RSRC1: variants seen among roughly 807,000 people sequenced by gnomAD.
The protein encoded by RSRC1 is arginine and serine rich coiled-coil 1, also known as serine/Arginine-related protein 53.
RSRC1 carries 39 observed loss-of-function variants against 49.1 expected under a neutral mutation model. That is an observed-to-expected ratio of 0.79 (90% CI 0.61 to 1.04). The LOEUF (loss-of-function observed/expected upper bound fraction) is 1.04. RSRC1 is among the 50% of genes least tolerant of loss of function. RSRC1 has a pLI of 0.00. For missense variants in RSRC1, 388 were observed against 402.4 expected (o/e 0.96, Z 0.31); for synonymous variants, 143 against 130.8 (o/e 1.09, Z -0.63).
intron 3 of RSRC1, among the ~76,000 whole-genome samples, chr3:158,162,028 G>A (rs1023471709): frequency 1.3e-5 from 2 of 152,150 alleles, no homozygotes; most frequent in Non-Finnish European, 2.9e-5. Flanking sequence ...GTTTAGCTAC[G>A]TGGTAGGGAG....
chr3:158,508,726 G>T (rs900596652), intron 7 of RSRC1, among the ~76,000 whole-genome samples: 8 of 152,186 alleles, frequency 5.3e-5, no homozygotes, highest in Admixed American at 1.3e-4. Context: ...ATACACTACC[G>T]CTCATTAGTC....
At chr3:158,368,731 T>C (rs1259369135) in intron 6 of RSRC1, among the ~76,000 whole-genome samples, 1 of 152,234 alleles carries the variant, frequency 6.6e-6, no homozygotes. Flanking sequence ...TTTAAAATCA[T>C]TGTAACTTAT....
chr3:158,414,441 A>C (rs1734633135), intron 6 of RSRC1, among the ~76,000 whole-genome samples: 1 of 152,002 alleles, frequency 6.6e-6, no homozygotes, highest in Admixed American at 6.6e-5. Flanking sequence ...TAACTAATGC[A>C]TGTGAGGCTT....
chr3:158,249,826 A>G (rs1473881039), intron 4 of RSRC1, among the ~76,000 whole-genome samples: 2 of 152,172 alleles, frequency 1.3e-5, no homozygotes, highest in African/African-American at 4.8e-5. Context: ...GTTACAAACA[A>G]TTCAATTATA....
At position 158,501,357 on chromosome 3, in the gene RSRC1, G is replaced by A. The variant is rs200233968; in HGVS notation, c.653-35735G>A. ...CTGGGGTTGTTGGTTGAAATGTTCC[G>A]TATATATCTGCTAAGTCCATTTGTT... is the stretch of plus-strand genomic sequence containing the variant. On this transcript the variant is annotated intron_variant, in intron 7 of 9. Coordinates refer to ENST00000611884, the MANE Select transcript of RSRC1 (RefSeq NM_001271838.2). 7.9e-5 allele frequency among the ~76,000 whole-genome samples: 12 copies of A among 152,108 alleles called. No individual in the cohort carries two copies. The East Asian group carries it at 1.2e-3, about 15-fold the overall frequency.
intron 5 of RSRC1, among the ~76,000 whole-genome samples, chr3:158,330,140 C>G (rs769090150): frequency 6.6e-6 from 1 of 152,216 alleles, no homozygotes; most frequent in Non-Finnish European, 1.5e-5. Context: ...GTCACCCCTT[C>G]CCTTGGCTAG....
intron 1 of RSRC1, among the ~76,000 whole-genome samples, chr3:158,117,781 T>C (rs1279453008): frequency 1.3e-5 from 2 of 152,182 alleles, no homozygotes; most frequent in Non-Finnish European, 1.5e-5. Flanking sequence ...CTTATGCCAT[T>C]ATGCTGAGCT....
intron 6 of RSRC1, among the ~76,000 whole-genome samples, chr3:158,375,380 C>G (rs1228187893): frequency 1.4e-5 from 2 of 140,964 alleles, no homozygotes; most frequent in Non-Finnish European, 3.1e-5. Flanking sequence ...TTTTTTTTTT[C>G]TTAATGAGAT....
At chr3:158,195,398 G>T (rs1720532547) in intron 3 of RSRC1, among the ~76,000 whole-genome samples, 1 of 149,432 alleles carries the variant, frequency 6.7e-6, no homozygotes, top group Admixed American at 6.7e-5. Flanking sequence ...CTGGATATTA[G>T]CCCTTTGTCA....
chr3:158,457,730 GT>G (rs1553809960), intron 6 of RSRC1, among the ~76,000 whole-genome samples: 14 of 119,644 alleles, frequency 1.2e-4, no homozygotes, highest in East Asian at 6.7e-4. Context: ...TGTGTTTTGT[GT>G]TTTTTTTTGT....
In RSRC1 at chr3:158,244,564, A is replaced by G. The variant is rs562702806; in HGVS notation, c.494+41319A>G. Among the ~76,000 whole-genome samples, 3 of 152,256 alleles carry G rather than the reference A, an allele frequency of 2.0e-5. No homozygotes were observed. In the South Asian group the frequency reaches 6.2e-4, roughly 32 times the overall value. On this transcript the variant is annotated intron_variant, in intron 4 of 9. Coordinates refer to ENST00000611884, the MANE Select transcript of RSRC1 (RefSeq NM_001271838.2). ...ATTTTTGCATCAATGTTCATCAAGG[A>G]TATTGGCCTGAAGTTTTCTTTTTGT...
intron 3 of RSRC1, among the ~76,000 whole-genome samples, chr3:158,196,674 C>G (rs916496379): frequency 1.3e-5 from 2 of 152,118 alleles, no homozygotes; most frequent in African/African-American, 4.8e-5. Context: ...AGATATGTCT[C>G]ATCAATACCT....
At chr3:158,285,460 A>G (rs549058091) in intron 4 of RSRC1, among the ~76,000 whole-genome samples, 51 of 152,338 alleles carry the variant, frequency 3.3e-4, no homozygotes, top group African/African-American at 1.2e-3. Flanking sequence ...TAGGGATGGC[A>G]TTGAATCTAT....
At chr3:158,137,655 C>CTTTTTTTTTTTTTT (rs11388972) in intron 3 of RSRC1, among the ~76,000 whole-genome samples, 1 of 138,522 alleles carries the variant, frequency 7.2e-6, no homozygotes, top group Non-Finnish European at 1.5e-5. Flanking sequence ...TTTTCTTTTT[C>CTTTTTTTTTTTTTT]TTTTTTTTTT....
At chr3:158,401,727 T>C (rs1039094301) in intron 6 of RSRC1, among the ~76,000 whole-genome samples, 31 of 152,152 alleles carry the variant, frequency 2.0e-4, no homozygotes, top group East Asian at 5.8e-4. Context: ...GTTTTAAAAT[T>C]GTATATAATA....
At chr3:158,363,063 A>G (rs576141857) in intron 6 of RSRC1, among the ~76,000 whole-genome samples, 2 of 152,330 alleles carry the variant, frequency 1.3e-5, no homozygotes, top group Admixed American at 6.5e-5. Flanking sequence ...CATAGTATCT[A>G]CAACCTTTGG....
intron 4 of RSRC1, among the ~76,000 whole-genome samples, chr3:158,296,821 T>A (rs924506835): frequency 6.6e-6 from 1 of 151,860 alleles, no homozygotes; most frequent in African/African-American, 2.4e-5. Context: ...TGGCTGAAAA[T>A]TAGTACTAAT....
chr3:158,309,865 A>T (rs1728035007), intron 5 of RSRC1, among the ~76,000 whole-genome samples: 1 of 151,730 alleles, frequency 6.6e-6, no homozygotes, highest in Non-Finnish European at 1.5e-5. Context: ...GGTTACTATT[A>T]AGTTCATGTA....
rs1559951828 is a variant in RSRC1, at chr3:158,228,828, T to TATATAAACACACATAC, written c.494+25583_494+25584insATATAAACACACATAC. Among the ~76,000 whole-genome samples the TATATAAACACACATAC allele has an allele frequency of 3.9e-4, 54 of 139,928 alleles. 26 individuals are homozygous for TATATAAACACACATAC. Among genetic ancestry groups the TATATAAACACACATAC allele is most frequent in the African/African-American group, 1.4e-3 (52 of 38,052 alleles). 91.8% of individuals were successfully genotyped at this position (139,928 alleles called of 152,430 possible). On this transcript the variant is annotated intron_variant, in intron 4 of 9. Coordinates refer to ENST00000611884, the MANE Select transcript of RSRC1 (RefSeq NM_001271838.2). The stretch of plus-strand genomic sequence containing the variant: ...ATATGTCTATGATCATAGACACACG[T>TATATAAACACACATAC]GTGTATATATGTATATAAACACACA...
Sources: allele counts gnomAD v4.1 joint callset (sites outside exome capture counted in the v4.1 genomes callset), GRCh38; gene constraint gnomAD v4.1.1; transcripts MANE v1.5; gene names NCBI Gene and HGNC (gene_info 2026-07-23, HGNC 2026-07-21).